GOLGA4: variants seen among roughly 807,000 people sequenced by gnomAD.
GOLGA4 encodes golgin A4.
Under a neutral mutation model 265.9 loss-of-function variants are expected in GOLGA4, and 169 were observed. That is an observed-to-expected ratio of 0.64 (90% confidence interval 0.56 to 0.72). The LOEUF (loss-of-function observed/expected upper bound fraction) is 0.72. Among genes scored for constraint, GOLGA4 ranks in the 30% least tolerant of loss-of-function variants. GOLGA4 has a pLI of 0.00. For missense variants in GOLGA4, 2,482 were observed against 2,483.4 expected, an observed-to-expected ratio of 1.00 and a Z score of 0.01; for synonymous variants, 923 against 855.8, an observed-to-expected ratio of 1.08 and a Z score of -1.37.
At position 37,326,220 on chromosome 3, in the gene GOLGA4, G is replaced by A; in HGVS notation, c.4334G>A (p.Trp1445Ter). Residue 1445 changes from tryptophan (W) to a stop codon, truncating the protein, a stop_gained, in exon 14 of 24, where the codon TGG becomes TAG. Coordinates refer to ENST00000361924, the MANE Select transcript of GOLGA4 (RefSeq NM_002078.5). LOFTEE classifies it high-confidence loss of function. ...GACTGGTCCAATAAATTCTCAGAAT[G>A]GAAGAAGAAAGCACAGTCAAGATTT... ...VDDWSNKFSE[W>*]KKKAQSRFTQ... The A allele has an allele frequency of 1.2e-6, 2 of 1,613,560 alleles. No individual in the cohort carries two copies. Among genetic ancestry groups the A allele is most frequent in the Non-Finnish European group, 8.5e-7 (1 of 1,179,620 alleles).
At chr3:37,337,582 CAA>C (rs2097018491) in intron 18 of GOLGA4, 82 bp from the exon 19 acceptor site, 4 of 876,522 alleles carry the variant, frequency 4.6e-6, no homozygotes, top group Non-Finnish European at 7.7e-6. Context: ...AAAAGACTAA[CAA>C]AAATTTCCAA....
At position 37,347,366 on chromosome 3, in the gene GOLGA4, C is replaced by T. The variant is rs1227358661; in HGVS notation, c.6576+70C>T. 9.9e-6 allele frequency: 8 copies of T among 808,350 alleles called. No homozygotes were observed. In the East Asian group the frequency reaches 2.0e-4, roughly 20 times the overall value. 50.1% of individuals were successfully genotyped at this position (808,350 alleles called of 1,614,324 possible). On this transcript the variant is annotated intron_variant, in intron 21 of 23. Transcript: ENST00000361924. ...AGAAATATGTTCCACTTTTAATACA[C>T]ATGTGAATGCCATATGTTTACTATT...
At chr3:37,256,625 T>C (rs1003675119) in intron 2 of GOLGA4, among the ~76,000 whole-genome samples, 1 of 152,226 alleles carries the variant, frequency 6.6e-6, no homozygotes, top group Non-Finnish European at 1.5e-5. Context: ...TATTTGATCA[T>C]AGCACTCTCT....
In GOLGA4 at chr3:37,323,706, T is replaced by C; in HGVS notation, c.1820T>C (p.Val607Ala). 1 of 1,613,620 alleles carries C rather than the reference T, an allele frequency of 6.2e-7. No homozygotes were observed. Among genetic ancestry groups the C allele is most frequent in the Non-Finnish European group, 8.5e-7 (1 of 1,179,878 alleles). ...EKNKHNKEIT[V>A]MVEKHKTELE... Reference sequence around the variant, plus strand: ...AATAAGCACAATAAGGAGATTACAGTCATGGTTGAAAAACACAAGACAGAA... The same window carrying C: ...AATAAGCACAATAAGGAGATTACAGCCATGGTTGAAAAACACAAGACAGAA... The change falls in exon 14 of 24, where the codon GTC (valine) becomes GCC (alanine). Residue 607 changes from valine (V) to alanine (A), a missense_variant. Physicochemically the swap from Val to Ala is moderately conservative, Grantham distance 64. Transcript: ENST00000361924.
chr3:37,263,155 C>T (rs2096774533), intron 2 of GOLGA4, among the ~76,000 whole-genome samples: 1 of 152,104 alleles, frequency 6.6e-6, no homozygotes, highest in African/African-American at 2.4e-5. Context: ...AAATACTTAC[C>T]ATTGTATTAC....
At chr3:37,323,186 G>C (rs1464915580) in intron 13 of GOLGA4, among the ~76,000 whole-genome samples, 1 of 143,406 alleles carries the variant, frequency 7.0e-6, no homozygotes, top group Non-Finnish European at 1.5e-5. Flanking sequence ...GAGTGTAGTG[G>C]CATGATCTCG....
intron 10 of GOLGA4, among the ~76,000 whole-genome samples, chr3:37,305,996 C>T (rs774220414): frequency 5.3e-4 from 81 of 152,148 alleles, no homozygotes; most frequent in Admixed American, 1.2e-3. Context: ...CAGAGGAAAT[C>T]TGAATGTCTT....
In GOLGA4 at chr3:37,257,915, GTATGTATA is replaced by G. The variant is rs1481074816; in HGVS notation, c.162+6443_162+6450del. ...TATACATATATATATATATATATAT[GTATGTATA>G]TATGTATATATACATACATATATAT... is the stretch of plus-strand genomic sequence containing the variant. On this transcript the variant is annotated intron_variant, in intron 2 of 23. Transcript: ENST00000361924. Among the ~76,000 whole-genome samples the G allele has an allele frequency of 8.7e-5, 10 of 114,930 alleles. 1 individual carries two copies. The highest frequency in any genetic ancestry group is 2.4e-4 in the East Asian group (1 of 4,166). 75.4% of individuals were successfully genotyped at this position (114,930 alleles called of 152,430 possible).
At chr3:37,314,984 A>G (rs9809700) in intron 10 of GOLGA4, among the ~76,000 whole-genome samples, 1 of 152,222 alleles carries the variant, frequency 6.6e-6, no homozygotes, top group African/African-American at 2.4e-5. Context: ...TTCCATTCTT[A>G]AAAGTGTCAT....
At chr3:37,331,105 TA>T (rs1383034967) in intron 16 of GOLGA4, among the ~76,000 whole-genome samples, 22 of 150,568 alleles carry the variant, frequency 1.5e-4, no homozygotes, top group Non-Finnish European at 2.5e-4. Flanking sequence ...TAGCCACATT[TA>T]AAAAAAAAGG....
chr3:37,276,580 T>A, intron 2 of GOLGA4: 2 of 1,590,172 alleles, frequency 1.3e-6, no homozygotes, highest in South Asian at 2.2e-5. Context: ...AATGTGGAAA[T>A]CGATGGAAGT....
At chr3:37,341,660 T>C (rs925662015) in intron 20 of GOLGA4, 2 of 152,166 alleles carry the variant, frequency 1.3e-5, no homozygotes, top group Non-Finnish European at 2.9e-5. Context: ...CCTACAGCCA[T>C]ACCACCGTGA....
intron 1 of GOLGA4, 97 bp downstream of exon 1, chr3:37,243,719 C>G: frequency 1.0e-6 from 1 of 993,434 alleles, no homozygotes; most frequent in Non-Finnish European, 1.5e-6. Flanking sequence ...TCTTCCGTGA[C>G]CTTTAACCCC....
intron 5 of GOLGA4, among the ~76,000 whole-genome samples, chr3:37,293,017 A>G (rs988477656): frequency 2.0e-5 from 3 of 152,206 alleles, no homozygotes; most frequent in African/African-American, 7.2e-5. Flanking sequence ...GGCAATTCTT[A>G]GTGTTTTGAG....
chr3:37,285,939 G>A, intron 3 of GOLGA4, 75 bp from the exon 4 acceptor site: 1 of 859,824 alleles, frequency 1.2e-6, no homozygotes, highest in Non-Finnish European at 1.9e-6. Context: ...CTTTCATAAA[G>A]AGAATTTTTT....
intron 1 of GOLGA4, among the ~76,000 whole-genome samples, chr3:37,247,078 A>G (rs1237310777): frequency 6.6e-6 from 1 of 152,218 alleles, no homozygotes; most frequent in East Asian, 1.9e-4. Context: ...TTTAGATCAG[A>G]AGGTAGTTTA....
rs1262598111 is a variant in GOLGA4, at chr3:37,327,220, A to G, written c.5334A>G (p.Ile1778Met). 8.7e-6 allele frequency: 14 copies of G among 1,613,864 alleles called. No individual in the cohort carries two copies. In the East Asian group the frequency reaches 3.1e-4, roughly 36 times the overall value. ...GATGCCAATACCAGGAGCGCTTAAT[A>G]AAGCTAGAACATGCTGAGGCAAAGC... is the stretch of plus-strand genomic sequence containing the variant. ...EMRCQYQERL[I>M]KLEHAEAKQH... Residue 1778 changes from isoleucine (I) to methionine (M), a missense_variant, in exon 14 of 24, where the codon ATA (isoleucine) becomes ATG (methionine). Transcript: ENST00000361924.
At chr3:37,252,297 T>C (rs920908340) in intron 2 of GOLGA4, among the ~76,000 whole-genome samples, 4 of 151,662 alleles carry the variant, frequency 2.6e-5, no homozygotes, top group Non-Finnish European at 5.9e-5. Context: ...CATCCTGAAT[T>C]TTTGGTATTT....
chr3:37,303,626 T>G (rs1336803459), intron 10 of GOLGA4, among the ~76,000 whole-genome samples: 1 of 152,148 alleles, frequency 6.6e-6, no homozygotes, highest in African/African-American at 2.4e-5. Context: ...AATAAGAAAT[T>G]GGAACATCTT....
Sources: allele counts gnomAD v4.1 joint callset (sites outside exome capture counted in the v4.1 genomes callset), GRCh38; gene constraint gnomAD v4.1.1; transcripts MANE v1.5; gene names NCBI Gene and HGNC (gene_info 2026-07-23, HGNC 2026-07-21).